EDIL3: variants seen among roughly 807,000 people sequenced by gnomAD.
EDIL3 encodes the protein EGF-like repeat and discoidin I-like domain-containing protein 3.
A neutral mutation model predicts 67.4 loss-of-function variants in EDIL3; 37 were observed. The observed-to-expected ratio is 0.55, with a 90% CI of 0.42 to 0.72. EDIL3 has a LOEUF of 0.72. Ranked by LOEUF, EDIL3 falls within the 30% of genes least tolerant of loss-of-function variation. The probability of loss-of-function intolerance (pLI) is 0.00; values close to 1 mark genes in which losing one functional copy is unlikely to be tolerated. For synonymous variants in EDIL3, 195 were observed against 196.3 expected (o/e 0.99, Z 0.05); for missense variants, 527 against 586.3 (o/e 0.90, Z 1.04).
At chr5:84,331,986 C>G (rs1746882184) in intron 1 of EDIL3, among the ~76,000 whole-genome samples, 1 of 152,110 alleles carries the variant, frequency 6.6e-6, no homozygotes, top group African/African-American at 2.4e-5. Flanking sequence ...TTAGAAAACA[C>G]ACTGTAAGCT....
intron 1 of EDIL3, among the ~76,000 whole-genome samples, chr5:84,270,281 T>C (rs1219652862): frequency 6.6e-6 from 1 of 152,146 alleles, no homozygotes; most frequent in African/African-American, 2.4e-5. Context: ...GGTTAGTGAG[T>C]ATCATGATGG....
At chr5:83,960,360 T>C (rs1744586857) in intron 10 of EDIL3, among the ~76,000 whole-genome samples, 1 of 151,118 alleles carries the variant, frequency 6.6e-6, no homozygotes, top group Non-Finnish European at 1.5e-5. Context: ...TTCACAATTT[T>C]CCAACTTGCC....
intron 1 of EDIL3, among the ~76,000 whole-genome samples, chr5:84,363,589 A>T (rs1017731920): frequency 1.3e-5 from 2 of 152,200 alleles, no homozygotes; most frequent in African/African-American, 4.8e-5. Context: ...AAATAGTGCA[A>T]CTGATACTGT....
chr5:84,098,660 G>A (rs1238358486), intron 6 of EDIL3, among the ~76,000 whole-genome samples: 1 of 152,086 alleles, frequency 6.6e-6, no homozygotes, highest in South Asian at 2.1e-4. Flanking sequence ...ACTCCTGAAT[G>A]ACTTTTGGGT....
At chr5:84,361,453 T>A (rs1747598989) in intron 1 of EDIL3, among the ~76,000 whole-genome samples, 1 of 152,124 alleles carries the variant, frequency 6.6e-6, no homozygotes, top group Admixed American at 6.6e-5. Context: ...ATGATTGAAG[T>A]GCAACCCTTA....
intron 5 of EDIL3, among the ~76,000 whole-genome samples, chr5:84,110,624 A>G (rs2112287423): frequency 6.6e-6 from 1 of 152,278 alleles, no homozygotes; most frequent in Non-Finnish European, 1.5e-5. Context: ...ATACTTCAAG[A>G]AAAAAATGTT....
intron 3 of EDIL3, among the ~76,000 whole-genome samples, chr5:84,220,046 A>G (rs562161624): frequency 6.6e-6 from 1 of 152,282 alleles, no homozygotes; most frequent in Non-Finnish European, 1.5e-5. Context: ...AAAGTTGGAT[A>G]GCACAGCAGG....
intron 9 of EDIL3, among the ~76,000 whole-genome samples, chr5:83,990,340 A>G (rs192508037): frequency 3.5e-4 from 53 of 152,148 alleles, no homozygotes; most frequent in African/African-American, 1.2e-3. Flanking sequence ...TATAAAAATT[A>G]GCTGGGCGTG....
At chr5:84,131,607 C>T (rs1379535444) in intron 5 of EDIL3, among the ~76,000 whole-genome samples, 3 of 152,046 alleles carry the variant, frequency 2.0e-5, no homozygotes, top group Admixed American at 6.6e-5. Context: ...GCTCAGTCTG[C>T]TCTATAAAAT....
chr5:84,356,377 G>C (rs1747480469), intron 1 of EDIL3, among the ~76,000 whole-genome samples: 1 of 152,190 alleles, frequency 6.6e-6, no homozygotes, highest in Admixed American at 6.5e-5. Context: ...TTTTCCATCA[G>C]TGTCCTATTC....
At chr5:83,988,278 TAAAAG>T (rs367750473) in intron 9 of EDIL3, among the ~76,000 whole-genome samples, 3 of 152,290 alleles carry the variant, frequency 2.0e-5, no homozygotes, top group African/African-American at 7.2e-5. Context: ...TACTGACACA[TAAAAG>T]AAAACTAATC....
intron 5 of EDIL3, among the ~76,000 whole-genome samples, chr5:84,136,524 T>G (rs1194486817): frequency 6.6e-6 from 1 of 152,132 alleles, no homozygotes. Context: ...TGTAAACACT[T>G]AAGGCAAATA....
At chr5:84,224,736 C>A (rs1219531559) in intron 3 of EDIL3, among the ~76,000 whole-genome samples, 2 of 151,380 alleles carry the variant, frequency 1.3e-5, no homozygotes, top group Non-Finnish European at 3.0e-5. Context: ...ATATATTAGA[C>A]CAAAGTCAGA....
intron 9 of EDIL3, among the ~76,000 whole-genome samples, chr5:84,010,458 TTC>T (rs1238796636): frequency 7.2e-5 from 11 of 152,176 alleles, no homozygotes; most frequent in Admixed American, 7.2e-4. Flanking sequence ...CTCTGTTCTA[TTC>T]TCTTCCAAAA....
At chr5:84,307,989 A>T (rs1746307614) in intron 1 of EDIL3, among the ~76,000 whole-genome samples, 1 of 152,198 alleles carries the variant, frequency 6.6e-6, no homozygotes, top group African/African-American at 2.4e-5. Flanking sequence ...CTCAGTAAAA[A>T]ATCTGAAGCA....
intron 5 of EDIL3, among the ~76,000 whole-genome samples, chr5:84,121,198 T>C (rs904835612): frequency 3.3e-5 from 5 of 152,036 alleles, no homozygotes; most frequent in African/African-American, 1.2e-4. Context: ...GTTTCATTGC[T>C]ATCTGCTTAG....
chr5:84,094,421 G>A (rs893517337), intron 6 of EDIL3, among the ~76,000 whole-genome samples: 5 of 151,996 alleles, frequency 3.3e-5, no homozygotes, highest in African/African-American at 1.2e-4. Context: ...CAACAGAAAA[G>A]GCTAAAATAT....
At chr5:84,089,204 A>C (rs1269770691) in intron 6 of EDIL3, among the ~76,000 whole-genome samples, 1 of 152,224 alleles carries the variant, frequency 6.6e-6, no homozygotes, top group Non-Finnish European at 1.5e-5. Flanking sequence ...ACGGCTTAGA[A>C]GCAGAAGTGT....
intron 6 of EDIL3, among the ~76,000 whole-genome samples, chr5:84,105,316 A>T (rs1205562179): frequency 6.6e-6 from 1 of 152,172 alleles, no homozygotes; most frequent in East Asian, 1.9e-4. Flanking sequence ...AATTCATAAT[A>T]CAAAACAAGA....
Sources: allele counts gnomAD v4.1 joint callset (sites outside exome capture counted in the v4.1 genomes callset), GRCh38; gene constraint gnomAD v4.1.1; transcripts MANE v1.5; gene names NCBI Gene and HGNC (gene_info 2026-07-23, HGNC 2026-07-21).